Variants in ZNF471 observed in about 807,000 individuals in gnomAD.
ZNF471 encodes EZFIT-related protein 1.
Under a neutral mutation model 13.7 loss-of-function variants are expected in ZNF471, and 7 were observed. The observed-to-expected ratio is 0.51, with a 90% CI of 0.29 to 0.96. ZNF471 has a LOEUF of 0.96. ZNF471 is among the 40% of genes least tolerant of loss of function. The pLI, the probability that ZNF471 is intolerant of heterozygous loss-of-function variation, is 0.08. For missense variants in ZNF471, 663 were observed against 743.3 expected, an observed-to-expected ratio of 0.89 and a Z score of 1.26; for synonymous variants, 218 against 235.6, an observed-to-expected ratio of 0.93 and a Z score of 0.68.
In ZNF471 at chr19:56,526,186, G is replaced by C. The variant is rs2044044475; in HGVS notation, c.*238G>C. ...GTACCTGGCTCATCTCATTGGGACT[G>C]GTTAGACAGTGGGTGCAGCCCACGG... On this transcript the variant is annotated 3_prime_UTR_variant, in exon 5 of 5. Transcript: ENST00000308031. The C allele has an allele frequency of 2.3e-6, 1 of 443,334 alleles. No individual in the cohort carries two copies. Among genetic ancestry groups the C allele is most frequent in the Non-Finnish European group, 3.9e-6 (1 of 254,124 alleles). 27.5% of individuals were successfully genotyped at this position (443,334 alleles called of 1,614,324 possible).
rs1363993970 is a variant in ZNF471, at chr19:56,529,114, G to A, written c.*3166G>A. 2 of 152,142 alleles carry A rather than the reference G, an allele frequency of 1.3e-5. No homozygotes were observed. Among genetic ancestry groups the A allele is most frequent in the Non-Finnish European group, 2.9e-5 (2 of 68,016 alleles). The allele number at this position is 152,142 out of a possible 1,614,324, so 9.4% of individuals were successfully genotyped here. A position where few individuals can be genotyped will look rare whatever the true frequency, so the allele number is the denominator to read the frequency against. ...ATCCATAACATGATCCTACATGAAT[G>A]TTTCAATATTGTAATCCTGTAAGTT... On this transcript the variant is annotated 3_prime_UTR_variant, in exon 5 of 5. Transcript: ENST00000308031.
In ZNF471 at chr19:56,510,591, TGTGCTTGTTTTGGG is replaced by T. The variant is rs2043796807; in HGVS notation, c.-55-917_-55-904del. On this transcript the variant is annotated intron_variant, in intron 1 of 4. Coordinates refer to ENST00000308031, the MANE Select transcript of ZNF471 (RefSeq NM_020813.4). This position sits in a 1 kb window ranked among gnomAD's most constrained non-coding sequence, Gnocchi z 4.3. ...GGCAATGGAAATGTGACTGTGTATATGTGCTTGTTTTGGGGTGCTTGTGATTGTGTCCTCCGTGT... is the reference window on the plus strand; with the variant it reads ...GGCAATGGAAATGTGACTGTGTATATGTGCTTGTGATTGTGTCCTCCGTGT... 1.0e-6 allele frequency: 1 copy of T among 985,622 alleles called. No homozygotes were observed. The highest frequency in any genetic ancestry group is 1.2e-6 in the Non-Finnish European group (1 of 830,044). 61.1% of individuals were successfully genotyped at this position (985,622 alleles called of 1,614,324 possible). A position where few individuals can be genotyped will look rare whatever the true frequency, so the allele number is the denominator to read the frequency against.
In ZNF471 at chr19:56,508,650, TGTG is replaced by T. The variant is rs1468674947; in HGVS notation, c.-56+733_-56+735del. ...ACTGTGCAAGAACAGAGTGTGAGACTGTGGTATGTTAATGTGTGAAAGGGAGAC... is the reference window on the plus strand; with the variant it reads ...ACTGTGCAAGAACAGAGTGTGAGACTGTATGTTAATGTGTGAAAGGGAGAC... On this transcript the variant is annotated intron_variant, in intron 1 of 4. Transcript: ENST00000308031. This position sits in a 1 kb window ranked among gnomAD's most constrained non-coding sequence, Gnocchi z 4.7. Among the ~76,000 whole-genome samples the T allele has an allele frequency of 6.6e-6, 1 of 151,750 alleles. No homozygotes were observed. Among genetic ancestry groups the T allele is most frequent in the Non-Finnish European group, 1.5e-5 (1 of 67,944 alleles).
rs551843267 is a variant in ZNF471 at position 56,510,935 on chromosome 19, A to C, written c.-55-582A>C. On this transcript the variant is annotated intron_variant, in intron 1 of 4. Transcript: ENST00000308031. The surrounding 1 kb of genome is among the most constrained non-coding windows in gnomAD (Gnocchi z 4.3). ...GGGCTGGGACAGAGGTGAGAGTGAA[A>C]GTGGCAGAATTGAGTGCTAAAGGTT... 1 of 985,450 alleles carries C rather than the reference A, an allele frequency of 1.0e-6. No individual in the cohort carries two copies. Among genetic ancestry groups the C allele is most frequent in the Non-Finnish European group, 1.2e-6 (1 of 830,022 alleles). 61.0% of individuals were successfully genotyped at this position (985,450 alleles called of 1,614,324 possible).
intron 4 of ZNF471, among the ~76,000 whole-genome samples, chr19:56,519,910 A>G (rs1413362891): frequency 6.6e-6 from 1 of 152,208 alleles, no homozygotes; most frequent in Non-Finnish European, 1.5e-5. Context: ...TGTCTAGCAC[A>G]TCCATGCTGT....
Position 56,510,678 on chromosome 19 carries a change from A to C in ZNF471, c.-55-839A>C, listed in dbSNP as rs2043798181. ...TTTGTATGTCACCCTGTATACCCAT[A>C]ATTGTGGCCCTGTATGACTGCTGTG... On this transcript the variant is annotated intron_variant, in intron 1 of 4. Transcript: ENST00000308031. This position sits in a 1 kb window ranked among gnomAD's most constrained non-coding sequence, Gnocchi z 4.3. The C allele has an allele frequency of 1.0e-6, 1 of 985,414 alleles. No homozygotes were observed. The highest frequency in any genetic ancestry group is 4.7e-5 in the South Asian group (1 of 21,280). The allele number at this position is 985,414 out of a possible 1,614,324, so 61.0% of individuals were successfully genotyped here. A position where few individuals can be genotyped will look rare whatever the true frequency, so the allele number is the denominator to read the frequency against.
In ZNF471 at chr19:56,525,525, C is replaced by T. The variant is rs775617412; in HGVS notation, c.1458C>T (p.Pro486=). ...SHLRIHTGEK[P]YECKECGKAF... ...TGAGAATTCATACTGGTGAAAAACC[C>T]TATGAATGTAAAGAATGTGGAAAAG... The change falls in exon 5 of 5, where the codon CCC becomes CCT. Residue 486 remains proline (P), a synonymous_variant. Transcript: ENST00000308031. 6 of 1,613,866 alleles carry T rather than the reference C, an allele frequency of 3.7e-6. No individual in the cohort carries two copies. The Admixed American group carries it at 5.0e-5, about 13-fold the overall frequency.
In ZNF471 at chr19:56,516,077, A is replaced by G. The variant is rs2043883828; in HGVS notation, c.34-198A>G. On this transcript the variant is annotated intron_variant, in intron 2 of 4. Coordinates refer to ENST00000308031, the MANE Select transcript of ZNF471 (RefSeq NM_020813.4). This position sits in a 1 kb window ranked among gnomAD's most constrained non-coding sequence, Gnocchi z 4.4. ...TGTAGTTATGCACCCATATTTCCCT[A>G]TGTTCGGAATCGATTGGCCCCATTG... Among the ~76,000 whole-genome samples the G allele has an allele frequency of 1.3e-5, 2 of 152,106 alleles. No individual in the cohort carries two copies. Among genetic ancestry groups the G allele is most frequent in the Admixed American group, 6.5e-5 (1 of 15,282 alleles).
rs1322712537 is a variant in ZNF471, at chr19:56,528,514, GC to G, written c.*2567del. On this transcript the variant is annotated 3_prime_UTR_variant, in exon 5 of 5. Transcript: ENST00000308031. ...GACCCTCCCACCTCATTCTCAAGTG[GC>G]TGCAATTACAGGCAACCAGCCTGAC... 1 of 152,130 alleles carries G rather than the reference GC, an allele frequency of 6.6e-6. No individual in the cohort carries two copies. Among genetic ancestry groups the G allele is most frequent in the Non-Finnish European group, 1.5e-5 (1 of 68,040 alleles). 9.4% of individuals were successfully genotyped at this position (152,130 alleles called of 1,614,324 possible). A position where few individuals can be genotyped will look rare whatever the true frequency, so the allele number is the denominator to read the frequency against.
intron 3 of ZNF471, among the ~76,000 whole-genome samples, chr19:56,517,142 CTCTTTT>C (rs1042582455): frequency 1.5e-5 from 2 of 132,036 alleles, no homozygotes; most frequent in African/African-American, 5.6e-5. Context: ...TTCTCTCGCT[CTCTTTT>C]TTTTTTTTTT....
chr19:56,509,903 TGA>T, intron 1 of ZNF471: 3 of 985,282 alleles, frequency 3.0e-6, no homozygotes, highest in Non-Finnish European at 2.4e-6. Context: ...TATCAATGTG[TGA>T]GAGAAATAGA....
chr19:56,518,422 C>T (rs1035251974), intron 3 of ZNF471, 60 bp from the exon 4 acceptor site: 1 of 1,312,076 alleles, frequency 7.6e-7, no homozygotes, highest in Non-Finnish European at 1.1e-6. Flanking sequence ...AAGGTACTGG[C>T]TTTTAGTTCT....
chr19:56,516,768 G>A lies in ZNF471; in HGVS notation c.160+367G>A, dbSNP rs939157139. Among the ~76,000 whole-genome samples, 1 of 152,194 alleles carries A rather than the reference G, an allele frequency of 6.6e-6. No individual in the cohort carries two copies. The highest frequency in any genetic ancestry group is 6.5e-5 in the Admixed American group (1 of 15,278). Reference sequence around the variant, plus strand: ...ATTCAGAATATCACTTTTAAAATCTGTATCTTTGTATTAAGTAACAAACTG... The same window carrying A: ...ATTCAGAATATCACTTTTAAAATCTATATCTTTGTATTAAGTAACAAACTG... On this transcript the variant is annotated intron_variant, in intron 3 of 4. Coordinates refer to ENST00000308031, the MANE Select transcript of ZNF471 (RefSeq NM_020813.4). This position sits in a 1 kb window ranked among gnomAD's most constrained non-coding sequence, Gnocchi z 4.4.
intron 4 of ZNF471, among the ~76,000 whole-genome samples, chr19:56,523,045 A>G (rs35664312): frequency 0.23 from 35,693 of 152,202 alleles, 4,406 homozygotes; most frequent in Middle Eastern, 0.26. Flanking sequence ...CGATGTTGCA[A>G]TAATTTTTAA....
Position 56,528,412 on chromosome 19 carries a change from T to C in ZNF471, c.*2464T>C, listed in dbSNP as rs536510302. On this transcript the variant is annotated 3_prime_UTR_variant, in exon 5 of 5. Coordinates refer to ENST00000308031, the MANE Select transcript of ZNF471 (RefSeq NM_020813.4). ...AATTTTGGAACCAAAACAGTATCTT[T>C]TTTTAAGCTAAAAAAAAAGTTTTAA... is the stretch of plus-strand genomic sequence containing the variant. 1 of 128,528 alleles carries C rather than the reference T, an allele frequency of 7.8e-6. No homozygotes were observed. The highest frequency in any genetic ancestry group is 2.0e-4 in the East Asian group (1 of 4,966). 8.0% of individuals were successfully genotyped at this position (128,528 alleles called of 1,614,324 possible). A position where few individuals can be genotyped will look rare whatever the true frequency, so the allele number is the denominator to read the frequency against.
chr19:56,529,744 C>T lies in ZNF471; in HGVS notation c.*3796C>T, dbSNP rs1245700488. On this transcript the variant is annotated 3_prime_UTR_variant, in exon 5 of 5. Coordinates refer to ENST00000308031, the MANE Select transcript of ZNF471 (RefSeq NM_020813.4). ...AGTGCAGATTGTAAAAGTCCTCATCCCCACCAACACAAACCAGCAGAAATT... is the reference window on the plus strand; with the variant it reads ...AGTGCAGATTGTAAAAGTCCTCATCTCCACCAACACAAACCAGCAGAAATT... 1 of 152,098 alleles carries T rather than the reference C, an allele frequency of 6.6e-6. No individual in the cohort carries two copies. Among genetic ancestry groups the T allele is most frequent in the Non-Finnish European group, 1.5e-5 (1 of 68,010 alleles). 9.4% of individuals were successfully genotyped at this position (152,098 alleles called of 1,614,324 possible).
In ZNF471 at chr19:56,522,857, C is replaced by T. The variant is rs2043991872; in HGVS notation, c.257-1467C>T. On this transcript the variant is annotated intron_variant, in intron 4 of 4. Coordinates refer to ENST00000308031, the MANE Select transcript of ZNF471 (RefSeq NM_020813.4). This position sits in a 1 kb window ranked among gnomAD's most constrained non-coding sequence, Gnocchi z 4.1. ...GTTCAAGCAATTTTCCTGCTTTAGC[C>T]TCCCAGGTAGCTGGGATTACAGGCA... Among the ~76,000 whole-genome samples, 1 of 151,896 alleles carries T rather than the reference C, an allele frequency of 6.6e-6. No individual in the cohort carries two copies. The highest frequency in any genetic ancestry group is 2.1e-4 in the South Asian group (1 of 4,830).
rs1272029550 is a variant in ZNF471, at chr19:56,527,484, T to C, written c.*1536T>C. 6.6e-6 allele frequency: 1 copy of C among 151,938 alleles called. No individual in the cohort carries two copies. The highest frequency in any genetic ancestry group is 1.5e-5 in the Non-Finnish European group (1 of 67,984). 9.4% of individuals were successfully genotyped at this position (151,938 alleles called of 1,614,324 possible). On this transcript the variant is annotated 3_prime_UTR_variant, in exon 5 of 5. Transcript: ENST00000308031. ...CTGGATAGAGAATGAGTTTGACAAA[T>C]TGACAGAAGTAGGCTTCAGAAGGTG...
chr19:56,529,536 A>G lies in ZNF471; in HGVS notation c.*3588A>G, dbSNP rs2044084735. 1 of 152,246 alleles carries G rather than the reference A, an allele frequency of 6.6e-6. No homozygotes were observed. The highest frequency in any genetic ancestry group is 2.4e-5 in the African/African-American group (1 of 41,468). 9.4% of individuals were successfully genotyped at this position (152,246 alleles called of 1,614,324 possible). A position where few individuals can be genotyped will look rare whatever the true frequency, so the allele number is the denominator to read the frequency against. ...GATACTGTATGCAAAGTTAAAAGGC[A>G]TATGACAGGCTGAGAGATATCTTAA... On this transcript the variant is annotated 3_prime_UTR_variant, in exon 5 of 5. Coordinates refer to ENST00000308031, the MANE Select transcript of ZNF471 (RefSeq NM_020813.4).
Sources: allele counts gnomAD v4.1 joint callset (sites outside exome capture counted in the v4.1 genomes callset), GRCh38; gene constraint gnomAD v4.1.1; non-coding constraint Gnocchi (gnomAD v3.1); transcripts MANE v1.5; gene names NCBI Gene and HGNC (gene_info 2026-07-23, HGNC 2026-07-21).